The following LTBP1 variants were observed in gnomAD, a reference collection of about 807,000 sequenced individuals.
LTBP1 encodes the protein latent transforming growth factor beta binding protein 1, also known as latent-transforming growth factor beta-binding protein 1.
LTBP1 carries 129 observed loss-of-function variants against 207.6 expected under a neutral mutation model. The observed-to-expected ratio is 0.62, with a 90% confidence interval of 0.54 to 0.72. The LOEUF (loss-of-function observed/expected upper bound fraction) is 0.72, where lower values mean the gene tolerates loss of function less well. Among genes scored for constraint, LTBP1 ranks in the 30% least tolerant of loss-of-function variants. LTBP1 has a pLI of 0.00. For synonymous variants in LTBP1, 963 were observed against 833.7 expected, an observed-to-expected ratio of 1.16 and a Z score of -2.67; for missense variants, 2,281 against 2,217.2, an observed-to-expected ratio of 1.03 and a Z score of -0.58.
intron 3 of LTBP1, among the ~76,000 whole-genome samples, chr2:33,105,929 A>G (rs1305140001): frequency 6.6e-6 from 1 of 152,222 alleles, no homozygotes; most frequent in African/African-American, 2.4e-5. Flanking sequence ...TACGCACAAT[A>G]GAACTGCTTC....
chr2:33,359,005 C>G (rs2094896924), intron 26 of LTBP1, among the ~76,000 whole-genome samples: 1 of 152,146 alleles, frequency 6.6e-6, no homozygotes, highest in Non-Finnish European at 1.5e-5. Flanking sequence ...AGGTTTTACC[C>G]AATTTCACAC....
At chr2:33,395,069 A>C (rs961640727) in intron 32 of LTBP1, among the ~76,000 whole-genome samples, 1 of 152,044 alleles carries the variant, frequency 6.6e-6, no homozygotes, top group Non-Finnish European at 1.5e-5. Context: ...TATCCCCCAA[A>C]CTTATGCCAA....
chr2:33,253,850 T>C (rs112864862), intron 11 of LTBP1, among the ~76,000 whole-genome samples: 104 of 151,926 alleles, frequency 6.8e-4, no homozygotes, highest in African/African-American at 2.4e-3. Context: ...TAGTACCCTC[T>C]TGTGCTCTTG....
intron 5 of LTBP1, among the ~76,000 whole-genome samples, chr2:33,179,748 C>T (rs1036428356): frequency 1.1e-4 from 17 of 151,996 alleles, no homozygotes; most frequent in Admixed American, 5.9e-4. Context: ...ACATTGAAAG[C>T]GTATCCAATA....
At chr2:33,216,497 G>C (rs17012691) in intron 7 of LTBP1, among the ~76,000 whole-genome samples, 11,440 of 152,196 alleles carry the variant, frequency 0.075, 931 homozygotes, top group African/African-American at 0.2. Flanking sequence ...TCATTCTAGA[G>C]TGTGCCATTT....
At chr2:32,987,260 T>C (rs1475602450) in intron 2 of LTBP1, among the ~76,000 whole-genome samples, 2 of 151,860 alleles carry the variant, frequency 1.3e-5, no homozygotes, top group South Asian at 2.1e-4. Context: ...TGAATGAGTA[T>C]AGAAAAAGGG....
intron 5 of LTBP1, among the ~76,000 whole-genome samples, chr2:33,141,477 A>G (rs2082642245): frequency 1.3e-5 from 2 of 152,230 alleles, no homozygotes; most frequent in African/African-American, 4.8e-5. Flanking sequence ...AATATAGTAT[A>G]TGTGTACACT....
At chr2:33,322,160 C>T (rs1179325043) in intron 24 of LTBP1, among the ~76,000 whole-genome samples, 2 of 149,506 alleles carry the variant, frequency 1.3e-5, no homozygotes, top group East Asian at 3.9e-4. Flanking sequence ...CACTGCTGAC[C>T]TTTTCAAACC....
At chr2:33,016,752 G>T (rs2149167093) in intron 2 of LTBP1, among the ~76,000 whole-genome samples, 1 of 152,366 alleles carries the variant, frequency 6.6e-6, no homozygotes, top group Admixed American at 6.5e-5. Flanking sequence ...GCTGGGGGCA[G>T]TGGCTCATGC....
intron 9 of LTBP1, among the ~76,000 whole-genome samples, chr2:33,228,057 G>C (rs1051936919): frequency 1.3e-5 from 2 of 151,676 alleles, no homozygotes; most frequent in Non-Finnish European, 2.9e-5. Flanking sequence ...CGCCCGCCTC[G>C]GCCTCCCAAA....
At chr2:33,034,887 G>A (rs992804651) in intron 3 of LTBP1, among the ~76,000 whole-genome samples, 2 of 152,104 alleles carry the variant, frequency 1.3e-5, no homozygotes, top group African/African-American at 2.4e-5. Context: ...GAACATTTAC[G>A]ATTATGCCAG....
intron 26 of LTBP1, among the ~76,000 whole-genome samples, chr2:33,351,205 G>C (rs1177159689): frequency 6.6e-6 from 1 of 152,064 alleles, no homozygotes; most frequent in Non-Finnish European, 1.5e-5. Context: ...CTAGACTTCT[G>C]CATTTAGAAA....
At chr2:33,108,832 A>G (rs932299542) in intron 3 of LTBP1, among the ~76,000 whole-genome samples, 5 of 152,242 alleles carry the variant, frequency 3.3e-5, no homozygotes, top group Non-Finnish European at 7.3e-5. Context: ...AGTCACTACC[A>G]GATGTGTCCA....
At chr2:33,177,163 C>A (rs1385158996) in intron 5 of LTBP1, among the ~76,000 whole-genome samples, 4 of 152,124 alleles carry the variant, frequency 2.6e-5, no homozygotes, top group Non-Finnish European at 4.4e-5. Context: ...TCTGTATTCT[C>A]CCCATGGTGA....
rs567266188 is a variant in LTBP1 at position 33,219,410 on chromosome 2, T to G, written c.1804+1756T>G. Among the ~76,000 whole-genome samples, 5 of 152,348 alleles carry G rather than the reference T, an allele frequency of 3.3e-5. 1 individual carries two copies. The highest frequency in any genetic ancestry group is 1.9e-4 in the East Asian group (1 of 5,192). ...AGGGATAGCTATGATGCATTTGGTT[T>G]GATTTAAAAATTTTAGTGTTTGAAG... On this transcript the variant is annotated intron_variant, in intron 8 of 33. Transcript: ENST00000404816.
At chr2:33,234,685 C>T (rs1251704633) in intron 9 of LTBP1, among the ~76,000 whole-genome samples, 2 of 152,166 alleles carry the variant, frequency 1.3e-5, no homozygotes, top group African/African-American at 4.8e-5. Flanking sequence ...CCCCGTCAAG[C>T]TACCATTGAC....
At chr2:33,111,190 GT>G (rs2080378403) in intron 4 of LTBP1, among the ~76,000 whole-genome samples, 1 of 152,144 alleles carries the variant, frequency 6.6e-6, no homozygotes, top group African/African-American at 2.4e-5. Flanking sequence ...GACTCACCTA[GT>G]TTTTAGTGTA....
At chr2:33,194,283 C>T (rs1573095541) in intron 7 of LTBP1, among the ~76,000 whole-genome samples, 1 of 151,588 alleles carries the variant, frequency 6.6e-6, no homozygotes, top group African/African-American at 2.4e-5. Context: ...CCGAGCCCGG[C>T]CACATCTCTC....
At chr2:33,369,302 A>G (rs140572744) in intron 31 of LTBP1, among the ~76,000 whole-genome samples, 167 of 152,350 alleles carry the variant, frequency 1.1e-3, no homozygotes, top group African/African-American at 3.8e-3. Context: ...ATGGTCAGCC[A>G]AACCAAAATC....
Sources: allele counts gnomAD v4.1 joint callset (sites outside exome capture counted in the v4.1 genomes callset), GRCh38; gene constraint gnomAD v4.1.1; transcripts MANE v1.5; gene names NCBI Gene and HGNC (gene_info 2026-07-23, HGNC 2026-07-21).